SASH1: variants seen among roughly 807,000 people sequenced by gnomAD.
The protein encoded by SASH1 is SAM and SH3 domain containing 1, also known as SAM and SH3 domain-containing protein 1.
SASH1 carries 44 observed loss-of-function variants against 125.2 expected under a neutral mutation model. The ratio of observed to expected loss-of-function variants is 0.35; its 90% CI spans 0.28 to 0.45. The LOEUF (loss-of-function observed/expected upper bound fraction) is 0.45. SASH1 is among the 20% of genes least tolerant of loss of function. SASH1 has a pLI of 1.00. For missense variants in SASH1, 1,426 were observed against 1,614.5 expected (o/e 0.88, Z 2.00); for synonymous variants, 639 against 649.1 (o/e 0.98, Z 0.24).
chr6:148,264,958 G>A, the SASH1 span, among the ~76,000 whole-genome samples: 1 of 152,208 alleles, frequency 6.6e-6, no homozygotes, highest in East Asian at 1.9e-4. Flanking sequence ...CCAGTGTCTA[G>A]TACAGACCAC....
rs756885809 is a variant in SASH1 at position 148,548,279 on chromosome 6, T to C, written c.3481-16T>C. ...ACATGGAGCGTTTCTATCATATTCT[T>C]TCTTAATTTATCCAGATTCCAAGTG... On this transcript the variant is annotated splice_polypyrimidine_tract_variant and intron_variant, in intron 19 of 19. Coordinates refer to ENST00000367467, the MANE Select transcript of SASH1 (RefSeq NM_015278.5). The C allele has an allele frequency of 1.9e-6, 3 of 1,598,362 alleles. No homozygotes were observed. The highest frequency in any genetic ancestry group is 2.6e-6 in the Non-Finnish European group (3 of 1,171,950).
At chr6:148,484,324 T>C (rs1397486110) in intron 7 of SASH1, among the ~76,000 whole-genome samples, 1 of 147,228 alleles carries the variant, frequency 6.8e-6, no homozygotes, top group African/African-American at 2.6e-5. Flanking sequence ...TGTGAGGGAA[T>C]GTTTTTGCTT....
intron 1 of SASH1, among the ~76,000 whole-genome samples, chr6:148,381,813 G>C (rs1182181636): frequency 6.6e-6 from 1 of 151,386 alleles, no homozygotes; most frequent in Non-Finnish European, 1.5e-5. Flanking sequence ...AATTTTTTTA[G>C]TAGAGATGAG....
chr6:148,408,183 C>T (rs1784456669), intron 2 of SASH1, among the ~76,000 whole-genome samples: 1 of 137,850 alleles, frequency 7.3e-6, no homozygotes, highest in Non-Finnish European at 1.5e-5. Flanking sequence ...TGCTGTGTCA[C>T]TGCAACCTCC....
chr6:148,215,098 G>C, the SASH1 span, among the ~76,000 whole-genome samples: 1 of 152,192 alleles, frequency 6.6e-6, no homozygotes, highest in Admixed American at 6.5e-5. Flanking sequence ...CTGCCATGCT[G>C]TCACTTGGCC....
intron 2 of SASH1, among the ~76,000 whole-genome samples, chr6:148,390,585 G>GA (rs1279902841): frequency 2.0e-5 from 3 of 152,118 alleles, no homozygotes. Flanking sequence ...AGGAGATCAA[G>GA]ACCATCCTCG....
intron 1 of SASH1, among the ~76,000 whole-genome samples, chr6:148,316,836 G>T (rs1780491283): frequency 6.6e-6 from 1 of 152,168 alleles, no homozygotes; most frequent in African/African-American, 2.4e-5. Context: ...AGGGGTTATA[G>T]AATTATGAGA....
intron 1 of SASH1, among the ~76,000 whole-genome samples, chr6:148,323,564 T>C (rs1343226927): frequency 1.3e-5 from 2 of 152,200 alleles, no homozygotes; most frequent in East Asian, 1.9e-4. Flanking sequence ...TAAGACTCCA[T>C]GGCCCCTCCC....
At chr6:148,277,095 G>A (rs960424461) in intron 1 of SASH1, among the ~76,000 whole-genome samples, 9 of 152,082 alleles carry the variant, frequency 5.9e-5, no homozygotes, top group Admixed American at 2.0e-4. Context: ...GGGGACACAC[G>A]AATAGTCCCA....
At position 148,487,648 on chromosome 6, in the gene SASH1, C is replaced by T; in HGVS notation, c.662C>T (p.Ala221Val). Residue 221 changes from alanine to valine, a missense_variant, in exon 8 of 20, where the codon GCT becomes GTT. This residue lies in a region of SASH1 where 567 missense variants were observed against 575.6 expected (regional missense o/e 0.99). Coordinates refer to ENST00000367467, the MANE Select transcript of SASH1 (RefSeq NM_015278.5). ...TACGAGGCCCAGCACCGGCAGTCGG[C>T]TGCCCTGGACCCTGCTGACTGGCCA... ...KEYEAQHRQS[A>V]ALDPADWPDG... The T allele has an allele frequency of 1.2e-6, 2 of 1,613,448 alleles. No individual in the cohort carries two copies. The highest frequency in any genetic ancestry group is 1.7e-6 in the Non-Finnish European group (2 of 1,179,730).
At chr6:148,535,944 A>G (rs552972965) in intron 16 of SASH1, among the ~76,000 whole-genome samples, 1 of 152,146 alleles carries the variant, frequency 6.6e-6, no homozygotes, top group East Asian at 1.9e-4. Context: ...AGCAAGTGTC[A>G]TTAGGTGAAA....
intron 1 of SASH1, among the ~76,000 whole-genome samples, chr6:148,283,185 G>C (rs972816257): frequency 1.3e-5 from 2 of 152,206 alleles, no homozygotes; most frequent in Non-Finnish European, 2.9e-5. Flanking sequence ...GTCTAGCTGA[G>C]TGCGCCAAAT....
chr6:148,502,324 G>T (rs1779590413), intron 8 of SASH1, among the ~76,000 whole-genome samples: 1 of 151,716 alleles, frequency 6.6e-6, no homozygotes, highest in Non-Finnish European at 1.5e-5. Flanking sequence ...CTAAACAGAT[G>T]AGTCCTCCCC....
intron 1 of SASH1, among the ~76,000 whole-genome samples, chr6:148,307,048 CTTTCTTTCTTTCTTTCT>C (rs2128516603): frequency 8.3e-6 from 1 of 120,526 alleles, no homozygotes; most frequent in South Asian, 2.4e-4. Context: ...TTCTTTCTTT[CTTTCTTTCTTTCTTTCT>C]TTCTTTCTTT....
intron 1 of SASH1, among the ~76,000 whole-genome samples, chr6:148,363,946 A>G (rs561953977): frequency 2.0e-5 from 3 of 152,346 alleles, no homozygotes; most frequent in East Asian, 1.9e-4. Flanking sequence ...CTAATGGGAC[A>G]TACATTCTAA....
chr6:148,499,804 G>A (rs575180214), intron 8 of SASH1, among the ~76,000 whole-genome samples: 1 of 152,268 alleles, frequency 6.6e-6, no homozygotes, highest in South Asian at 2.1e-4. Flanking sequence ...CTCTCTCTCA[G>A]TATTTTGACT....
At chr6:148,512,204 G>C (rs1780185516) in intron 8 of SASH1, among the ~76,000 whole-genome samples, 1 of 152,022 alleles carries the variant, frequency 6.6e-6, no homozygotes, top group African/African-American at 2.4e-5. Flanking sequence ...ATTTTTAGTA[G>C]AGACGGGGTT....
Position 148,342,940 on chromosome 6 carries a change from C to CATG in SASH1, c.-127_-125dup. The CATG allele has an allele frequency of 1.2e-6, 1 of 851,892 alleles. No individual in the cohort carries two copies. The highest frequency in any genetic ancestry group is 1.4e-6 in the Non-Finnish European group (1 of 707,880). The allele number at this position is 851,892 out of a possible 1,614,324, so 52.8% of individuals were successfully genotyped here. A position where few individuals can be genotyped will look rare whatever the true frequency, so the allele number is the denominator to read the frequency against. On this transcript the variant is annotated 5_prime_UTR_variant, in exon 1 of 20. It adds an upstream start codon to the 5' untranslated region. Coordinates refer to ENST00000367467, the MANE Select transcript of SASH1 (RefSeq NM_015278.5). ...CGCGGGGTGGCCGGGGCCGCCGGGG[C>CATG]ATGCAGCGCGGGGGCGCGGCTCGGT... is the stretch of plus-strand genomic sequence containing the variant.
chr6:148,396,968 T>G (rs1783981382), intron 2 of SASH1, among the ~76,000 whole-genome samples: 1 of 152,224 alleles, frequency 6.6e-6, no homozygotes, highest in Admixed American at 6.5e-5. Flanking sequence ...ATCCCTGCAG[T>G]AATGCTGAAG....
Sources: allele counts gnomAD v4.1 joint callset (sites outside exome capture counted in the v4.1 genomes callset), GRCh38; gene constraint gnomAD v4.1.1; regional missense constraint gnomAD v4.1.1; transcripts MANE v1.5; gene names NCBI Gene and HGNC (gene_info 2026-07-23, HGNC 2026-07-21).